Variants in RYR3 observed in about 807,000 individuals in gnomAD.
The protein encoded by RYR3 is ryanodine receptor 3.
RYR3 carries 207 observed loss-of-function variants against 584.3 expected under a neutral mutation model. The observed-to-expected ratio is 0.35, with a 90% CI of 0.32 to 0.40. The LOEUF (loss-of-function observed/expected upper bound fraction) is 0.40. Ranked by LOEUF, RYR3 falls within the 10% of genes least tolerant of loss-of-function variation. RYR3 has a pLI of 1.00. For missense variants in RYR3, 5,616 were observed against 6,089.2 expected (o/e 0.92, Z 2.59); for synonymous variants, 2,416 against 2,248.5 (o/e 1.07, Z -2.11).
rs887630717 is a variant in RYR3 at position 33,731,647 on chromosome 15, C to T, written c.7377C>T (p.Thr2459=). The T allele has an allele frequency of 5.0e-6, 8 of 1,613,462 alleles. No homozygotes were observed. Among genetic ancestry groups the T allele is most frequent in the Non-Finnish European group, 6.8e-6 (8 of 1,179,568 alleles). ...GGCTATCCAAGGGACGTTCCCTCAC[C>T]AAAGCACAAAGGGACACTATAGAAG... ...IYRLSKGRSL[T]KAQRDTIEEC... is the part of the protein sequence containing the mutation. Residue 2459 remains threonine (T), a synonymous_variant, in exon 48 of 104, where the codon ACC becomes ACT. Coordinates refer to ENST00000634891, the MANE Select transcript of RYR3 (RefSeq NM_001036.6).
chr15:33,719,176 G>T (rs370186030), intron 43 of RYR3, among the ~76,000 whole-genome samples: 3 of 152,216 alleles, frequency 2.0e-5, no homozygotes, highest in Non-Finnish European at 2.9e-5. Flanking sequence ...CTTAGAGCGT[G>T]CTCTGCATTC....
At chr15:33,462,224 T>C (rs1258660483) in intron 1 of RYR3, among the ~76,000 whole-genome samples, 2 of 152,188 alleles carry the variant, frequency 1.3e-5, no homozygotes, top group Non-Finnish European at 2.9e-5. Flanking sequence ...TCCCTGGTTA[T>C]TAGATTTTGT....
At chr15:33,504,702 C>G (rs2052315824) in intron 3 of RYR3, among the ~76,000 whole-genome samples, 1 of 152,096 alleles carries the variant, frequency 6.6e-6, no homozygotes, top group Non-Finnish European at 1.5e-5. Context: ...GTTGGTGAGC[C>G]CTGTTCACCT....
chr15:33,582,280 A>G (rs2058633965), intron 14 of RYR3, among the ~76,000 whole-genome samples: 1 of 152,322 alleles, frequency 6.6e-6, no homozygotes, highest in South Asian at 2.1e-4. Flanking sequence ...GGAGTTGCTC[A>G]GACACTGTGA....
At chr15:33,408,955 CAG>C (rs1296046588) in intron 1 of RYR3, among the ~76,000 whole-genome samples, 2 of 152,182 alleles carry the variant, frequency 1.3e-5, no homozygotes, top group African/African-American at 2.4e-5. Context: ...ACAAATCTGT[CAG>C]AGGGGAAGTA....
chr15:33,585,457 A>G (rs2058801206), intron 15 of RYR3, among the ~76,000 whole-genome samples: 1 of 152,172 alleles, frequency 6.6e-6, no homozygotes, highest in South Asian at 2.1e-4. Context: ...GTGTGCCAAA[A>G]AAAAGGGGGA....
chr15:33,429,746 C>A (rs1304315466), intron 1 of RYR3, among the ~76,000 whole-genome samples: 2 of 152,148 alleles, frequency 1.3e-5, no homozygotes, highest in Non-Finnish European at 2.9e-5. Context: ...ATAAGAAAAT[C>A]ACAAAAATGG....
In RYR3 at chr15:33,596,574, C is replaced by T. The variant is rs562593072; in HGVS notation, c.1789-4845C>T. 9.4e-4 allele frequency among the ~76,000 whole-genome samples: 143 copies of T among 151,454 alleles called. 2 individuals are homozygous for T. In the South Asian group the frequency reaches 0.022, roughly 23 times the overall value. On this transcript the variant is annotated intron_variant, in intron 16 of 103. Transcript: ENST00000634891. Reference sequence around the variant, plus strand: ...AATACTTGTACATGTTCATGGGGTACATAGTGATGTTGTGATACATATAAT... The same window carrying T: ...AATACTTGTACATGTTCATGGGGTATATAGTGATGTTGTGATACATATAAT...
intron 2 of RYR3, among the ~76,000 whole-genome samples, chr15:33,496,983 G>C (rs1277233885): frequency 6.6e-6 from 1 of 152,154 alleles, no homozygotes; most frequent in Non-Finnish European, 1.5e-5. Flanking sequence ...TGTCCCCAGA[G>C]CAGCTGGTAC....
intron 98 of RYR3, 48 bp from the exon 99 acceptor site, chr15:33,857,728 CAAGG>C: frequency 6.2e-7 from 1 of 1,607,420 alleles, no homozygotes. Flanking sequence ...GTGAACCTTT[CAAGG>C]TAGAGAAGAC....
At chr15:33,349,797 A>T (rs1436294616) in intron 1 of RYR3, among the ~76,000 whole-genome samples, 4 of 129,466 alleles carry the variant, frequency 3.1e-5, no homozygotes, top group African/African-American at 1.2e-4. Context: ...TCCTGTGTCC[A>T]TGTGTTCTCA....
At chr15:33,538,127 A>G (rs577538675) in intron 5 of RYR3, among the ~76,000 whole-genome samples, 4 of 152,068 alleles carry the variant, frequency 2.6e-5, no homozygotes, top group Non-Finnish European at 5.9e-5. Flanking sequence ...TTTGTTCTTT[A>G]TAATCTTTGC....
At chr15:33,346,245 A>G (rs984707621) in intron 1 of RYR3, among the ~76,000 whole-genome samples, 7 of 152,342 alleles carry the variant, frequency 4.6e-5, no homozygotes, top group Admixed American at 4.6e-4. Context: ...GAAGGACATA[A>G]CTGAGAGGGA....
chr15:33,573,517 A>T (rs908136069), intron 12 of RYR3, among the ~76,000 whole-genome samples: 3 of 152,242 alleles, frequency 2.0e-5, no homozygotes, highest in African/African-American at 7.2e-5. Flanking sequence ...TAGAATGAAC[A>T]GTGTGATCGA....
chr15:33,658,996 T>C (rs2152700751), intron 32 of RYR3, among the ~76,000 whole-genome samples: 1 of 152,284 alleles, frequency 6.6e-6, no homozygotes, highest in South Asian at 2.1e-4. Context: ...CTCACAGTCT[T>C]TGCCTGTAGA....
intron 43 of RYR3, among the ~76,000 whole-genome samples, chr15:33,712,485 T>G (rs979489187): frequency 4.6e-5 from 7 of 152,132 alleles, no homozygotes; most frequent in Non-Finnish European, 1.0e-4. Context: ...TAAGCTTGGC[T>G]TGGGTCACAT....
chr15:33,697,121 A>C (rs1180293746), intron 39 of RYR3, among the ~76,000 whole-genome samples: 1 of 152,176 alleles, frequency 6.6e-6, no homozygotes, highest in Non-Finnish European at 1.5e-5. Flanking sequence ...CAAGAACTAG[A>C]CCTACAGACA....
At chr15:33,673,602 A>G (rs1052856577) in intron 38 of RYR3, among the ~76,000 whole-genome samples, 5 of 152,206 alleles carry the variant, frequency 3.3e-5, no homozygotes, top group South Asian at 2.1e-4. Context: ...TACTTTTCCA[A>G]CGCTGCAGTT....
At chr15:33,384,825 C>T (rs1359697403) in intron 1 of RYR3, among the ~76,000 whole-genome samples, 1 of 152,110 alleles carries the variant, frequency 6.6e-6, no homozygotes, top group Non-Finnish European at 1.5e-5. Context: ...CTTTGACCAA[C>T]ACCTCCTTAA....
Sources: gnomAD v4.1 joint callset for allele counts (sites outside exome capture counted in the v4.1 genomes callset) on GRCh38, gnomAD v4.1.1 for gene constraint, MANE v1.5 for transcripts, NCBI Gene and HGNC (gene_info 2026-07-23, HGNC 2026-07-21) for gene names.